RPLP0: variants seen among roughly 807,000 people sequenced by gnomAD.
The protein encoded by RPLP0 is ribosomal protein lateral stalk subunit P0.
For missense variants in RPLP0, 276 were observed against 402.9 expected, an observed-to-expected ratio of 0.69 and a Z score of 2.70; for synonymous variants, 137 against 153.4, an observed-to-expected ratio of 0.89 and a Z score of 0.79.
At position 120,201,079 on chromosome 12, in the gene RPLP0, G is replaced by T. The variant is rs527503227; in HGVS notation, c.-49+4C>A. The T allele has an allele frequency of 1.0e-5, 4 of 387,058 alleles. No individual in the cohort carries two copies. The highest frequency in any genetic ancestry group is 6.2e-5 in the African/African-American group (3 of 48,236). The allele number at this position is 387,058 out of a possible 1,614,324, so 24.0% of individuals were successfully genotyped here. ...CCTGGCGCCCATCTAACTAGCACACGAACCTTCCACGAGGACGCCTGGCGA... is the reference window on the plus strand; with the variant it reads ...CCTGGCGCCCATCTAACTAGCACACTAACCTTCCACGAGGACGCCTGGCGA... On this transcript the variant is annotated splice_donor_region_variant and intron_variant, in intron 1 of 7. Transcript: ENST00000392514.
intron 7 of RPLP0, 127 bp downstream of exon 7, chr12:120,197,195 C>T (rs916945066): frequency 5.3e-5 from 56 of 1,053,108 alleles, no homozygotes; most frequent in Admixed American, 1.8e-4. Context: ...CCCAACCTCT[C>T]AAATATCCCC....
intron 2 of RPLP0, chr12:120,199,950 C>T: frequency 4.5e-6 from 2 of 443,994 alleles, no homozygotes; most frequent in South Asian, 1.6e-5. Flanking sequence ...TGAAAACCTT[C>T]TAAGTGTGGG....
At chr12:120,197,728 C>T (rs1439445633) in intron 6 of RPLP0, 1 of 447,072 alleles carries the variant, frequency 2.2e-6, no homozygotes, top group Non-Finnish European at 4.1e-6. Context: ...CAGTGAAAAG[C>T]ATAAACGACT....
chr12:120,200,095 G>A (rs747155181), intron 2 of RPLP0: 41 of 455,978 alleles, frequency 9.0e-5, no homozygotes, highest in Non-Finnish European at 1.5e-4. Context: ...TTGGCTGACA[G>A]GTCCTAAATA....
chr12:120,197,133 C>A, intron 7 of RPLP0, 189 bp downstream of exon 7: 1 of 1,051,792 alleles, frequency 9.5e-7, no homozygotes, highest in Non-Finnish European at 1.4e-6. Flanking sequence ...GCCCATTAAC[C>A]CCCTCTTTGG....
chr12:120,200,895 A>G, intron 1 of RPLP0, 64 bp from the exon 2 acceptor site: 1 of 1,494,892 alleles, frequency 6.7e-7, no homozygotes, highest in Non-Finnish European at 8.9e-7. Flanking sequence ...CCCGGGCCTA[A>G]GAGGAGCAGG....
At chr12:120,197,778 G>C (rs975686877) in intron 6 of RPLP0, 1 of 291,038 alleles carries the variant, frequency 3.4e-6, no homozygotes, top group Non-Finnish European at 6.5e-6. Context: ...AATGTTCAAC[G>C]ATTTCCAGAT....
chr12:120,199,499 G>C lies in RPLP0; in HGVS notation c.55-14C>G. The C allele has an allele frequency of 1.2e-6, 2 of 1,610,590 alleles. No individual in the cohort carries two copies. The highest frequency in any genetic ancestry group is 1.7e-6 in the Non-Finnish European group (2 of 1,178,444). On this transcript the variant is annotated splice_polypyrimidine_tract_variant and intron_variant, in intron 2 of 7. Coordinates refer to ENST00000392514, the MANE Select transcript of RPLP0 (RefSeq NM_001002.4). Reference sequence around the variant, plus strand: ...ATCCAATAGTTGCTACAAAAAACAAGCCAGAGGAGCCAAGTTTAACAGGAA... The same window carrying C: ...ATCCAATAGTTGCTACAAAAAACAACCCAGAGGAGCCAAGTTTAACAGGAA...
At position 120,198,495 on chromosome 12, in the gene RPLP0, TG is replaced by T; in HGVS notation, c.651+58del. On this transcript the variant is annotated intron_variant, in intron 6 of 7. Coordinates refer to ENST00000392514, the MANE Select transcript of RPLP0 (RefSeq NM_001002.4). The surrounding 1 kb of genome is among the most constrained non-coding windows in gnomAD (Gnocchi z 4.1). ...AGTCCTTGGTTACAGGGACTCAGTC[TG>T]AACCTTGTCATGCTCTCAACCATCA... 1 of 1,596,428 alleles carries T rather than the reference TG, an allele frequency of 6.3e-7. No homozygotes were observed. Among genetic ancestry groups the T allele is most frequent in the Non-Finnish European group, 8.6e-7 (1 of 1,164,892 alleles).
At chr12:120,199,714 T>C in intron 2 of RPLP0, 1 of 518,754 alleles carries the variant, frequency 1.9e-6, no homozygotes, top group South Asian at 2.3e-5. Context: ...AGTTTTTTCT[T>C]TTTTTACTTA....
At position 120,196,922 on chromosome 12, in the gene RPLP0, A is replaced by G. The variant is rs993928619; in HGVS notation, c.805T>C (p.Leu269=). 6.2e-7 allele frequency: 1 copy of G among 1,613,248 alleles called. No individual in the cohort carries two copies. Among genetic ancestry groups the G allele is most frequent in the African/African-American group, 1.3e-5 (1 of 74,920 alleles). ...FPLAEKVKAF[L]ADPSAFVAAA... Reference sequence around the variant, plus strand: ...GCCACAAAGGCAGATGGATCAGCCAAGAAGGCCTTGACCTGAAAGGAGGGG... The same window carrying G: ...GCCACAAAGGCAGATGGATCAGCCAGGAAGGCCTTGACCTGAAAGGAGGGG... Residue 269 remains leucine, a synonymous_variant, in exon 8 of 8, where the codon TTG becomes CTG. Transcript: ENST00000392514.
Position 120,201,072 on chromosome 12 carries a change from A to G in RPLP0, c.-49+11T>C. ...GGCGACCCCTGGCGCCCATCTAACT[A>G]GCACACGAACCTTCCACGAGGACGC... On this transcript the variant is annotated intron_variant, in intron 1 of 7. Transcript: ENST00000392514. The G allele has an allele frequency of 2.4e-6, 1 of 411,570 alleles. No individual in the cohort carries two copies. The highest frequency in any genetic ancestry group is 4.3e-6 in the Non-Finnish European group (1 of 230,076). The allele number at this position is 411,570 out of a possible 1,614,324, so 25.5% of individuals were successfully genotyped here.
At chr12:120,201,033 C>T (rs1288083912) in intron 1 of RPLP0, 50 bp downstream of exon 1, 14 of 488,498 alleles carry the variant, frequency 2.9e-5, no homozygotes, top group Non-Finnish European at 4.2e-5. Flanking sequence ...AAAGACCCCT[C>T]CATGCTTCCC....
chr12:120,199,390 C>A lies in RPLP0; in HGVS notation c.150G>T (p.Lys50Asn). 2 of 1,614,202 alleles carry A rather than the reference C, an allele frequency of 1.2e-6. No individual in the cohort carries two copies. Among genetic ancestry groups the A allele is most frequent in the Non-Finnish European group, 1.7e-6 (2 of 1,180,040 alleles). ...TGTTCTTGCCCATCAGCACCACAGCCTTCCCGCGAAGGGACATGCGGATCT... is the reference window on the plus strand; with the variant it reads ...TGTTCTTGCCCATCAGCACCACAGCATTCCCGCGAAGGGACATGCGGATCT... Reference protein sequence around the residue: ...MQQIRMSLRGKAVVLMGKNTM... With the variant: ...MQQIRMSLRGNAVVLMGKNTM... The change falls in exon 3 of 8, where the codon AAG becomes AAT. Residue 50 changes from lysine (K) to asparagine (N), a missense_variant. Lys to Asn is a moderately conservative substitution (Grantham distance 94). Transcript: ENST00000392514.
intron 1 of RPLP0, 45 bp from the exon 2 acceptor site, chr12:120,200,876 T>A: frequency 6.6e-7 from 1 of 1,521,000 alleles, no homozygotes; most frequent in Non-Finnish European, 8.8e-7. Context: ...CCGACACCCA[T>A]CCCGCGGTCC....
At chr12:120,197,595 A>C in intron 6 of RPLP0, 133 bp from the exon 7 acceptor site, 1 of 1,022,582 alleles carries the variant, frequency 9.8e-7, no homozygotes, top group Non-Finnish European at 1.4e-6. Context: ...AGGCCATTTC[A>C]TCTCATACCA....
intron 2 of RPLP0, chr12:120,200,368 C>A: frequency 3.1e-6 from 1 of 324,776 alleles, no homozygotes; most frequent in Non-Finnish European, 6.0e-6. Context: ...GAGGCTGAAG[C>A]AGGAGAATCG....
At position 120,196,880 on chromosome 12, in the gene RPLP0, C is replaced by T. The variant is rs771521627; in HGVS notation, c.847G>A (p.Ala283Thr). 2 of 1,609,670 alleles carry T rather than the reference C, an allele frequency of 1.2e-6. No individual in the cohort carries two copies. The highest frequency in any genetic ancestry group is 1.7e-6 in the Non-Finnish European group (2 of 1,177,804). The change falls in exon 8 of 8, where the codon GCT (alanine) becomes ACT (threonine). Residue 283 changes from alanine (A) to threonine (T), a missense_variant. Physicochemically the swap from Ala to Thr is moderately conservative, Grantham distance 58. Coordinates refer to ENST00000392514, the MANE Select transcript of RPLP0 (RefSeq NM_001002.4). The stretch of plus-strand genomic sequence containing the variant: ...GCAGCAGGAGCAGCTGTGGTGGCAG[C>T]AGCCACAGGGGCAGCAGCCACAAAG... ...SAFVAAAPVA[A>T]ATTAAPAAAA... is the part of the protein sequence containing the mutation.
chr12:120,198,983 A>G lies in RPLP0; in HGVS notation c.336T>C (p.Arg112=), dbSNP rs149840097. Residue 112 remains arginine, a synonymous_variant, in exon 5 of 8, where the codon CGT becomes CGC. Coordinates refer to ENST00000392514, the MANE Select transcript of RPLP0 (RefSeq NM_001002.4). This position sits in a 1 kb window ranked among gnomAD's most constrained non-coding sequence, Gnocchi z 4.1. ...LLANKVPAAA[R]AGAIAPCEVT... is the part of the protein sequence containing the mutation. Reference sequence around the variant, plus strand: ...CTTCACATGGGGCAATGGCACCAGCACGGGCAGCAGCTGGCACCTGACAAA... The same window carrying G: ...CTTCACATGGGGCAATGGCACCAGCGCGGGCAGCAGCTGGCACCTGACAAA... The G allele has an allele frequency of 1.4e-5, 23 of 1,614,202 alleles. No individual in the cohort carries two copies. The African/African-American group carries it at 2.7e-4, about 19-fold the overall frequency.
Sources: allele counts gnomAD v4.1 joint callset, GRCh38; gene constraint gnomAD v4.1.1; non-coding constraint Gnocchi (gnomAD v3.1); transcripts MANE v1.5; gene names NCBI Gene and HGNC (gene_info 2026-07-23, HGNC 2026-07-21).